RNMT: variants seen among roughly 807,000 people sequenced by gnomAD.
The protein encoded by RNMT is RNA guanine-7 methyltransferase, also known as mRNA cap guanine-N(7) methyltransferase.
RNMT carries 27 observed loss-of-function variants against 56.0 expected under a neutral mutation model. That is an observed-to-expected ratio of 0.48 (90% CI 0.36 to 0.67). The LOEUF (loss-of-function observed/expected upper bound fraction) is 0.67, where lower values mean the gene tolerates loss of function less well. Among genes scored for constraint, RNMT ranks in the 30% least tolerant of loss-of-function variants. The pLI is 0.00. For missense variants in RNMT, 519 were observed against 552.1 expected, an observed-to-expected ratio of 0.94 and a Z score of 0.60; for synonymous variants, 184 against 176.2, an observed-to-expected ratio of 1.04 and a Z score of -0.35.
chr18:13,761,317 A>G lies in RNMT; in HGVS notation c.*1338A>G. The G allele has an allele frequency of 4.1e-6, 4 of 985,452 alleles. No homozygotes were observed. Among genetic ancestry groups the G allele is most frequent in the Non-Finnish European group, 4.8e-6 (4 of 829,932 alleles). The allele number at this position is 985,452 out of a possible 1,614,324, so 61.0% of individuals were successfully genotyped here. A position where few individuals can be genotyped will look rare whatever the true frequency, so the allele number is the denominator to read the frequency against. On this transcript the variant is annotated 3_prime_UTR_variant, in exon 12 of 12. Transcript: ENST00000383314. The stretch of plus-strand genomic sequence containing the variant: ...TCATTTTGGAAATAAGTAATACTGC[A>G]TCTGACTCTGGTGGCTGTATTAGCT...
chr18:13,729,089 G>C (rs2044025318), intron 1 of RNMT, among the ~76,000 whole-genome samples: 1 of 152,174 alleles, frequency 6.6e-6, no homozygotes, highest in African/African-American at 2.4e-5. Flanking sequence ...TTTTCTTCAA[G>C]TAGTTTCATA....
At chr18:13,732,108 C>T (rs138414070) in intron 3 of RNMT, among the ~76,000 whole-genome samples, 174 bp downstream of exon 3, 53 of 152,334 alleles carry the variant, frequency 3.5e-4, no homozygotes, top group African/African-American at 1.3e-3. Flanking sequence ...TAAGGTGAAA[C>T]ATCTCCTGCT....
At chr18:13,749,475 A>G (rs2044405156) in intron 9 of RNMT, among the ~76,000 whole-genome samples, 1 of 152,228 alleles carries the variant, frequency 6.6e-6, no homozygotes, top group African/African-American at 2.4e-5. Flanking sequence ...AACTTGCTGC[A>G]GGATGTTTAT....
rs201093998 is a variant in RNMT at position 13,744,159 on chromosome 18, CTTTTTTTT to C, written c.1139+1526_1139+1533del. Among the ~76,000 whole-genome samples, 197 of 91,418 alleles carry C rather than the reference CTTTTTTTT, an allele frequency of 2.2e-3. 5 individuals carry two copies. Among genetic ancestry groups the C allele is most frequent in the Non-Finnish European group, 3.2e-3 (146 of 45,808 alleles). 60.0% of individuals were successfully genotyped at this position (91,418 alleles called of 152,430 possible). On this transcript the variant is annotated intron_variant, in intron 8 of 11. Coordinates refer to ENST00000383314, the MANE Select transcript of RNMT (RefSeq NM_003799.3). Reference sequence around the variant, plus strand: ...ATGCTAAACAAGACCTAGCGGTCTTCTTTTTTTTTTTTTTTTTTTTTTTTTTGACTTAA... The same window carrying C: ...ATGCTAAACAAGACCTAGCGGTCTTCTTTTTTTTTTTTTTTTTTGACTTAA...
In RNMT at chr18:13,752,423, CT is replaced by C. The variant is rs1478551403; in HGVS notation, c.1358del (p.Leu453TrpfsTer4). ...KYMKNSQVRL[P>X]LGTLSKSEWE... is the part of the protein sequence containing the mutation. ...ATGAAGAACAGTCAAGTAAGGTTAC[CT>C]TTGGTAAGTTTTAATTTATGAAAGT... On this transcript the variant is annotated frameshift_variant, in exon 10 of 12. Coordinates refer to ENST00000383314, the MANE Select transcript of RNMT (RefSeq NM_003799.3). LOFTEE classifies it high-confidence loss of function. The C allele has an allele frequency of 1.9e-6, 3 of 1,590,160 alleles. No individual in the cohort carries two copies. Among genetic ancestry groups the C allele is most frequent in the Non-Finnish European group, 2.6e-6 (3 of 1,159,094 alleles).
intron 11 of RNMT, among the ~76,000 whole-genome samples, chr18:13,759,538 A>G (rs1052809378): frequency 1.3e-5 from 2 of 152,098 alleles, no homozygotes; most frequent in Admixed American, 6.5e-5. Context: ...CTTTAATTCT[A>G]GTTTTCTAAA....
In RNMT at chr18:13,741,651, G is replaced by A; in HGVS notation, c.934G>A (p.Gly312Ser). The change falls in exon 7 of 12, where the codon GGC becomes AGC. Residue 312 changes from glycine (G) to serine (S), a missense_variant. By Grantham distance (56) the Gly-to-Ser change is moderately conservative. Coordinates refer to ENST00000383314, the MANE Select transcript of RNMT (RefSeq NM_003799.3). ...TGCGTGTGAGAGACTTAGCCCTGGG[G>A]GCTATTTTATTGGTACTACTCCCAA... ...RNACERLSPG[G>S]YFIGTTPNSF... 1.9e-6 allele frequency: 3 copies of A among 1,613,518 alleles called. No homozygotes were observed. The South Asian group carries it at 3.3e-5, about 18-fold the overall frequency.
At position 13,755,735 on chromosome 18, in the gene RNMT, T is replaced by G. The variant is rs2044531569; in HGVS notation, c.1393+1588T>G. Among the ~76,000 whole-genome samples, 9 of 152,362 alleles carry G rather than the reference T, an allele frequency of 5.9e-5. No individual in the cohort carries two copies. In the South Asian group the frequency reaches 1.9e-3, roughly 32 times the overall value. On this transcript the variant is annotated intron_variant, in intron 11 of 11. Coordinates refer to ENST00000383314, the MANE Select transcript of RNMT (RefSeq NM_003799.3). ...GAGCATGTGCATAAACTATGGATTT[T>G]ATTACTTTTTCCCTGCAGTGGAGAC...
intron 7 of RNMT, 112 bp downstream of exon 7, chr18:13,741,803 A>C: frequency 1.6e-6 from 1 of 644,724 alleles, no homozygotes; most frequent in Non-Finnish European, 2.5e-6. Flanking sequence ...TAAGTGTTGA[A>C]CACTTTCATA....
intron 11 of RNMT, 125 bp from the exon 12 acceptor site, chr18:13,759,817 T>C (rs4797812): frequency 0.88 from 623,903 of 705,022 alleles, 276,623 homozygotes; most frequent in East Asian, 0.97. Flanking sequence ...TTAGAATTAA[T>C]GGGGATTTTC....
Position 13,754,105 on chromosome 18 carries a change from T to C in RNMT, c.1360-9T>C. The C allele has an allele frequency of 6.6e-7, 1 of 1,516,774 alleles. No homozygotes were observed. The highest frequency in any genetic ancestry group is 9.1e-7 in the Non-Finnish European group (1 of 1,095,116). 94.0% of individuals were successfully genotyped at this position (1,516,774 alleles called of 1,614,324 possible). A position where few individuals can be genotyped will look rare whatever the true frequency, so the allele number is the denominator to read the frequency against. ...TCTAAAATTTTCTTTTTCTCTTTTG[T>C]AATTTTAGGGAACCTTAAGTAAATC... On this transcript the variant is annotated splice_polypyrimidine_tract_variant and intron_variant, in intron 10 of 11. Transcript: ENST00000383314.
intron 9 of RNMT, among the ~76,000 whole-genome samples, chr18:13,747,496 A>G (rs2044372281): frequency 6.6e-6 from 1 of 152,222 alleles, no homozygotes; most frequent in Non-Finnish European, 1.5e-5. Context: ...CTGGGATTAC[A>G]GGTGTGAGCC....
chr18:13,750,315 C>T (rs2044419787), intron 9 of RNMT, among the ~76,000 whole-genome samples: 1 of 152,024 alleles, frequency 6.6e-6, no homozygotes, highest in Non-Finnish European at 1.5e-5. Context: ...GCTATTTATG[C>T]TTTTCATGGC....
At position 13,731,565 on chromosome 18, in the gene RNMT, A is replaced by G. The variant is rs1400808948; in HGVS notation, c.48A>G (p.Glu16=). ...KAEEYEKMSL[E]QAKASVNSET... ...AAGAATATGAAAAGATGTCTCTTGA[A>G]CAGGCAAAAGCGTCAGTGAATTCTG... The change falls in exon 3 of 12, where the codon GAA becomes GAG. Residue 16 remains glutamate, a synonymous_variant. Coordinates refer to ENST00000383314, the MANE Select transcript of RNMT (RefSeq NM_003799.3). 1.2e-6 allele frequency: 2 copies of G among 1,609,818 alleles called. No individual in the cohort carries two copies. Among genetic ancestry groups the G allele is most frequent in the East Asian group, 2.2e-5 (1 of 44,862 alleles).
At chr18:13,740,416 C>T (rs1169018363) in intron 6 of RNMT, 137 bp downstream of exon 6, 2 of 582,496 alleles carry the variant, frequency 3.4e-6, no homozygotes, top group Non-Finnish European at 6.0e-6. Flanking sequence ...TACTCTGTCA[C>T]CTAGGCTGGA....
rs1273471767 is a variant in RNMT, at chr18:13,760,404, A to G, written c.*425A>G. The G allele has an allele frequency of 1.5e-5, 15 of 989,374 alleles. No homozygotes were observed. Among genetic ancestry groups the G allele is most frequent in the Non-Finnish European group, 1.8e-5 (15 of 832,142 alleles). 61.3% of individuals were successfully genotyped at this position (989,374 alleles called of 1,614,324 possible). On this transcript the variant is annotated 3_prime_UTR_variant, in exon 12 of 12. Coordinates refer to ENST00000383314, the MANE Select transcript of RNMT (RefSeq NM_003799.3). The stretch of plus-strand genomic sequence containing the variant: ...GCTCATTTCTATGGTTTTGTTATAT[A>G]GCATTTTTCAACATTTAATGGTCTG...
chr18:13,755,025 A>G (rs1164434862), intron 11 of RNMT, among the ~76,000 whole-genome samples: 2 of 152,178 alleles, frequency 1.3e-5, no homozygotes, highest in African/African-American at 2.4e-5. Context: ...GCAGAGCCTC[A>G]TTGTTACTGT....
At position 13,731,583 on chromosome 18, in the gene RNMT, GAAT is replaced by G; in HGVS notation, c.67_69del (p.Asn23del). 6.2e-7 allele frequency: 1 copy of G among 1,613,082 alleles called. No homozygotes were observed. Among genetic ancestry groups the G allele is most frequent in the Non-Finnish European group, 8.5e-7 (1 of 1,179,758 alleles). The stretch of plus-strand genomic sequence containing the variant: ...CTCTTGAACAGGCAAAAGCGTCAGT[GAAT>G]TCTGAAACAGAGTCTTCATTCAATA... On this transcript the variant is annotated inframe_deletion, in exon 3 of 12. Transcript: ENST00000383314.
intron 8 of RNMT, among the ~76,000 whole-genome samples, chr18:13,744,638 G>A (rs2044322869): frequency 6.6e-6 from 1 of 152,166 alleles, no homozygotes; most frequent in Non-Finnish European, 1.5e-5. Flanking sequence ...TTTTGCTCAT[G>A]TTGCCTTTCC....
Sources: allele counts gnomAD v4.1 joint callset (sites outside exome capture counted in the v4.1 genomes callset), GRCh38; gene constraint gnomAD v4.1.1; transcripts MANE v1.5; gene names NCBI Gene and HGNC (gene_info 2026-07-23, HGNC 2026-07-21).